Variants in UBP1 observed in about 807,000 individuals in gnomAD.
UBP1 encodes upstream binding protein 1.
In UBP1, 22 loss-of-function variants were observed where a neutral mutation model predicts 76.1. That is an observed-to-expected ratio of 0.29 (90% CI 0.21 to 0.41). The LOEUF is 0.41. UBP1 is among the 10% of genes least tolerant of loss of function. The pLI, the probability that UBP1 is intolerant of heterozygous loss-of-function variation, is 1.00. For synonymous variants in UBP1, 224 were observed against 237.1 expected (o/e 0.94, Z 0.51); for missense variants, 436 against 668.1 (o/e 0.65, Z 3.83).
At chr3:33,410,292 A>C (rs538103296) in intron 5 of UBP1, among the ~76,000 whole-genome samples, 1 of 152,320 alleles carries the variant, frequency 6.6e-6, no homozygotes, top group South Asian at 2.1e-4. Context: ...GTCATTTCTG[A>C]CTGCTGCACA....
At position 33,400,201 on chromosome 3, in the gene UBP1, A is replaced by G; in HGVS notation, c.1168T>C (p.Ser390Pro). 1 of 1,589,038 alleles carries G rather than the reference A, an allele frequency of 6.3e-7. No homozygotes were observed. Among genetic ancestry groups the G allele is most frequent in the Non-Finnish European group, 8.5e-7 (1 of 1,171,938 alleles). Residue 390 changes from serine (S) to proline (P), a missense_variant, in exon 11 of 16, where the codon TCT (serine) becomes CCT (proline). Transcript: ENST00000283629. ...CACATACACATACCTGAAAAATTAG[A>G]GAACAGTCTTGTGTAGGAAGAGAAT... ...NRFSSYTRLF[S>P]NFSGADLLKL...
chr3:33,425,742 C>A lies in UBP1; in HGVS notation c.114-1G>T. 1.3e-6 allele frequency: 2 copies of A among 1,571,344 alleles called. No individual in the cohort carries two copies. Among genetic ancestry groups the A allele is most frequent in the Non-Finnish European group, 1.7e-6 (2 of 1,147,462 alleles). On this transcript the variant is annotated splice_acceptor_variant, in intron 1 of 15. Transcript: ENST00000283629. LOFTEE classifies it high-confidence loss of function. ...GAAAATGGGCAATGCCAAGACATCA[C>A]TGAAAAGCAAAAAATCAACACTGAC...
At chr3:33,392,493 G>A (rs959865717) in intron 15 of UBP1, 70 bp downstream of exon 15, 2 of 1,283,884 alleles carry the variant, frequency 1.6e-6, no homozygotes, top group African/African-American at 1.5e-5. Context: ...AAACACGAGA[G>A]GCACTAATTA....
At position 33,394,191 on chromosome 3, in the gene UBP1, T is replaced by TTTATTATTA. The variant is rs148929407; in HGVS notation, c.1391-746_1391-738dup. Among the ~76,000 whole-genome samples, 950 of 143,406 alleles carry TTTATTATTA rather than the reference T, an allele frequency of 6.6e-3. 6 individuals are homozygous for TTTATTATTA. Among genetic ancestry groups the TTTATTATTA allele is most frequent in the African/African-American group, 0.011 (428 of 39,288 alleles). 94.1% of individuals were successfully genotyped at this position (143,406 alleles called of 152,430 possible). A position where few individuals can be genotyped will look rare whatever the true frequency, so the allele number is the denominator to read the frequency against. On this transcript the variant is annotated intron_variant, in intron 13 of 15. Transcript: ENST00000283629. ...CACACGCCACCATGCCTGGCTAATT[T>TTTATTATTA]TTATTATTATTATTATTATTATTAT...
At chr3:33,403,539 A>AATCT (rs371031918) in intron 8 of UBP1, 4 of 139,714 alleles carry the variant, frequency 2.9e-5, no homozygotes, top group African/African-American at 1.1e-4. Context: ...CTGTCTATCT[A>AATCT]ATCTATCTGT....
chr3:33,395,201 A>G (rs2043926999), intron 13 of UBP1, among the ~76,000 whole-genome samples: 1 of 152,222 alleles, frequency 6.6e-6, no homozygotes, highest in African/African-American at 2.4e-5. Flanking sequence ...AAATAATACC[A>G]AATAGAAAAG....
At chr3:33,396,055 G>A (rs2043980401) in intron 13 of UBP1, 107 bp downstream of exon 13, 1 of 1,004,318 alleles carries the variant, frequency 1.0e-6, no homozygotes, top group Non-Finnish European at 1.4e-6. Context: ...GAGCAACTTG[G>A]CATTCCTAAC....
chr3:33,423,334 C>T (rs2044950864), intron 2 of UBP1, among the ~76,000 whole-genome samples: 1 of 150,128 alleles, frequency 6.7e-6, no homozygotes, highest in East Asian at 2.0e-4. Context: ...CCATCGTGCC[C>T]GGCCCATATT....
At chr3:33,397,174 AAAAG>A in intron 11 of UBP1, 39 bp from the exon 12 acceptor site, 1 of 1,485,518 alleles carries the variant, frequency 6.7e-7, no homozygotes. Context: ...AATAAATGGA[AAAAG>A]AACAGAACTG....
At position 33,440,084 on chromosome 3, in the gene UBP1, G is replaced by A. The variant is rs2045268164; in HGVS notation, c.-236C>T. On this transcript the variant is annotated 5_prime_UTR_variant, in exon 1 of 16. Coordinates refer to ENST00000283629, the MANE Select transcript of UBP1 (RefSeq NM_014517.5). ...CCGCCGGCAGCGCCACCCTCCCGCGGACACCGGCCCTGCGCCTCATGCCGG... is the reference window on the plus strand; with the variant it reads ...CCGCCGGCAGCGCCACCCTCCCGCGAACACCGGCCCTGCGCCTCATGCCGG... 1 of 445,948 alleles carries A rather than the reference G, an allele frequency of 2.2e-6. No homozygotes were observed. Among genetic ancestry groups the A allele is most frequent in the Non-Finnish European group, 3.9e-6 (1 of 256,482 alleles). The allele number at this position is 445,948 out of a possible 1,614,324, so 27.6% of individuals were successfully genotyped here.
At chr3:33,401,538 G>A (rs78466504) in intron 9 of UBP1, among the ~76,000 whole-genome samples, 1 of 152,296 alleles carries the variant, frequency 6.6e-6, no homozygotes, top group East Asian at 1.9e-4. Context: ...CACTATCCTT[G>A]TGCTTCTAAG....
At chr3:33,436,946 C>A (rs2045213711) in intron 1 of UBP1, among the ~76,000 whole-genome samples, 2 of 152,132 alleles carry the variant, frequency 1.3e-5, no homozygotes, top group African/African-American at 4.8e-5. Context: ...TAAGGAAGGT[C>A]TCTATCCATC....
In UBP1 at chr3:33,414,549, T is replaced by C. The variant is rs184533317; in HGVS notation, c.343-1722A>G. The stretch of plus-strand genomic sequence containing the variant: ...CAAACCTATCACTTGATCCCCAAGG[T>C]TCCCCCACAAATTTAAGTAGTATAG... On this transcript the variant is annotated intron_variant, in intron 3 of 15. Coordinates refer to ENST00000283629, the MANE Select transcript of UBP1 (RefSeq NM_014517.5). Among the ~76,000 whole-genome samples the C allele has an allele frequency of 4.4e-4, 67 of 152,284 alleles. 2 individuals are homozygous for C. In the South Asian group the frequency reaches 0.013, roughly 30 times the overall value.
In UBP1 at chr3:33,440,399, C is replaced by G. The variant is rs1382329213; in HGVS notation, c.-551G>C. 1 of 152,936 alleles carries G rather than the reference C, an allele frequency of 6.5e-6. No individual in the cohort carries two copies. The highest frequency in any genetic ancestry group is 1.5e-5 in the Non-Finnish European group (1 of 68,490). 9.5% of individuals were successfully genotyped at this position (152,936 alleles called of 1,614,324 possible). ...GCGACTCCGACTTAGGTTCACGCGC[C>G]GCTTCCGCCTCCCCCGGCCCCGCCC... On this transcript the variant is annotated 5_prime_UTR_variant, in exon 1 of 16. Transcript: ENST00000283629.
At chr3:33,392,344 GAATT>G (rs1382946583) in intron 15 of UBP1, 34 of 464,106 alleles carry the variant, frequency 7.3e-5, no homozygotes, top group Non-Finnish European at 1.2e-4. Context: ...TTGGCTGAAT[GAATT>G]GAGATTTTTT....
rs2045265557 is a variant in UBP1, at chr3:33,439,957, G to T, written c.-109C>A. The T allele has an allele frequency of 8.2e-7, 1 of 1,224,636 alleles. No individual in the cohort carries two copies. 75.9% of individuals were successfully genotyped at this position (1,224,636 alleles called of 1,614,324 possible). On this transcript the variant is annotated 5_prime_UTR_variant, in exon 1 of 16. Coordinates refer to ENST00000283629, the MANE Select transcript of UBP1 (RefSeq NM_014517.5). ...GAGGGCGCGGGTGAAGCCTCCGGAGGGGCGGCGAGTGGTCACCAGCGGCGG... is the reference window on the plus strand; with the variant it reads ...GAGGGCGCGGGTGAAGCCTCCGGAGTGGCGGCGAGTGGTCACCAGCGGCGG...
Position 33,396,144 on chromosome 3 carries a change from G to A in UBP1, c.1390+18C>T. The A allele has an allele frequency of 6.5e-7, 1 of 1,530,950 alleles. No homozygotes were observed. Among genetic ancestry groups the A allele is most frequent in the Non-Finnish European group, 8.9e-7 (1 of 1,118,910 alleles). The allele number at this position is 1,530,950 out of a possible 1,614,324, so 94.8% of individuals were successfully genotyped here. ...ACAGTCTCAGAAGTGACAGAATTGA[G>A]ATGCCCTCAATACCTACCATAGGGT... On this transcript the variant is annotated intron_variant, in intron 13 of 15. Transcript: ENST00000283629.
intron 1 of UBP1, 96 bp downstream of exon 1, chr3:33,439,640 G>T: frequency 7.3e-7 from 1 of 1,364,046 alleles, no homozygotes; most frequent in Non-Finnish European, 1.0e-6. Context: ...GGAGGCCCGC[G>T]CACCTCTGGG....
At chr3:33,429,393 G>T (rs1184306393) in intron 1 of UBP1, among the ~76,000 whole-genome samples, 1 of 151,760 alleles carries the variant, frequency 6.6e-6, no homozygotes, top group African/African-American at 2.4e-5. Context: ...CTGTCTCCCA[G>T]GCTGGAGTGC....
Sources: allele counts gnomAD v4.1 joint callset (sites outside exome capture counted in the v4.1 genomes callset), GRCh38; gene constraint gnomAD v4.1.1; transcripts MANE v1.5; gene names NCBI Gene and HGNC (gene_info 2026-07-23, HGNC 2026-07-21).